Variants in DMBT1 observed in about 807,000 individuals in gnomAD.
DMBT1 encodes scavenger receptor cysteine-rich domain-containing protein DMBT1.
DMBT1 carries 198 observed loss-of-function variants against 252.9 expected under a neutral mutation model. That is an observed-to-expected ratio of 0.78 (90% CI 0.70 to 0.88). The LOEUF is 0.88. DMBT1 is among the 40% of genes least tolerant of loss of function. The pLI is 0.00. For missense variants in DMBT1, 2,432 were observed against 2,404.7 expected, an observed-to-expected ratio of 1.01 and a Z score of -0.24; for synonymous variants, 990 against 942.7, an observed-to-expected ratio of 1.05 and a Z score of -0.92.
rs755405576 is a variant in DMBT1, at chr10:122,640,197, T to C, written c.7100T>C (p.Val2367Ala). Residue 2367 changes from valine (V) to alanine (A), a missense_variant, in exon 55 of 56, where the codon GTT becomes GCT. Transcript: ENST00000338354. ...TACATTGCTAATGACACCATCCACG[T>C]TGCTAATAACACCATCCAGGTCGAG... is the stretch of plus-strand genomic sequence containing the variant. Reference protein sequence around the residue: ...TMYIANDTIHVANNTIQVEEV... With the variant: ...TMYIANDTIHAANNTIQVEEV... 1 of 1,614,072 alleles carries C rather than the reference T, an allele frequency of 6.2e-7. No individual in the cohort carries two copies. The highest frequency in any genetic ancestry group is 8.5e-7 in the Non-Finnish European group (1 of 1,179,904).
At chr10:122,561,102 G>T (rs781076218) in intron 1 of DMBT1, among the ~76,000 whole-genome samples, 1 of 152,184 alleles carries the variant, frequency 6.6e-6, no homozygotes, top group African/African-American at 2.4e-5. Context: ...TGATTGATTT[G>T]TCTTAGAAAA....
Position 122,580,880 on chromosome 10 carries a change from C to A in DMBT1, c.1018C>A (p.Pro340Thr). 1 of 1,613,906 alleles carries A rather than the reference C, an allele frequency of 6.2e-7. No homozygotes were observed. Residue 340 changes from proline (P) to threonine (T), a missense_variant, in exon 11 of 56, where the codon CCG becomes ACG. Pro to Thr is a conservative substitution (Grantham distance 38). Transcript: ENST00000338354. ...CTTTCTCACAGCTCCCCAGTCCCGG[C>A]CGACACCCAGCCCAGGTAGGTCCCC... ...GVICSAPQSR[P>T]TPSPDTWPTS... is the part of the protein sequence containing the mutation.
At chr10:122,567,345 C>G (rs935109755) in intron 2 of DMBT1, among the ~76,000 whole-genome samples, 1 of 152,164 alleles carries the variant, frequency 6.6e-6, no homozygotes, top group Admixed American at 6.5e-5. Context: ...GTGTTTTGCT[C>G]GTAAGAGGGG....
chr10:122,598,874 T>A lies in DMBT1; in HGVS notation c.3057T>A (p.Asp1019Glu). Reference sequence around the variant, plus strand: ...AAGGCTCCTGGGGCACCGTGTGCGATGACAGCTGGGACACCAATGATGCCA... The same window carrying A: ...AAGGCTCCTGGGGCACCGTGTGCGAAGACAGCTGGGACACCAATGATGCCA... ...LYQGSWGTVC[D>E]DSWDTNDANV... is the part of the protein sequence containing the mutation. The change falls in exon 26 of 56, where the codon GAT becomes GAA. Residue 1019 changes from aspartate to glutamate, a missense_variant. Physicochemically the swap from Asp to Glu is conservative, Grantham distance 45. Coordinates refer to ENST00000338354, the MANE Select transcript of DMBT1 (RefSeq NM_001377530.1). The A allele has an allele frequency of 6.2e-7, 1 of 1,613,852 alleles. No individual in the cohort carries two copies. The highest frequency in any genetic ancestry group is 8.5e-7 in the Non-Finnish European group (1 of 1,179,782).
chr10:122,598,478 G>C (rs936061928), intron 25 of DMBT1, among the ~76,000 whole-genome samples: 1 of 152,180 alleles, frequency 6.6e-6, no homozygotes, highest in South Asian at 2.1e-4. Flanking sequence ...GCCTACTGTA[G>C]CTGTGTAGCT....
rs2098155395 is a variant in DMBT1 at position 122,630,610 on chromosome 10, CTT to C, written c.6025+122_6025+123del. On this transcript the variant is annotated intron_variant, in intron 48 of 55. Coordinates refer to ENST00000338354, the MANE Select transcript of DMBT1 (RefSeq NM_001377530.1). ...GCCTCAGCGATGCACGGCCCATTCT[CTT>C]TCTCTTGGCACTGACTGTGTGGGCA... 6 of 1,087,410 alleles carry C rather than the reference CTT, an allele frequency of 5.5e-6. No individual in the cohort carries two copies. In the Admixed American group the frequency reaches 1.4e-4, roughly 25 times the overall value. 67.4% of individuals were successfully genotyped at this position (1,087,410 alleles called of 1,614,324 possible).
intron 2 of DMBT1, among the ~76,000 whole-genome samples, chr10:122,568,497 A>C (rs1275100638): frequency 6.6e-6 from 1 of 152,114 alleles, no homozygotes; most frequent in Non-Finnish European, 1.5e-5. Flanking sequence ...GTAAATAAGC[A>C]GGGTGGTGAG....
In DMBT1 at chr10:122,590,686, C is replaced by G; in HGVS notation, c.2129C>G (p.Pro710Arg). Residue 710 changes from proline to arginine, a missense_variant, in exon 18 of 56, where the codon CCC (proline) becomes CGC (arginine). Pro to Arg is a moderately radical substitution (Grantham distance 103, BLOSUM62 -2). Around this residue, in one of 3 missense-constraint regions of DMBT1, gnomAD observed 1,264 missense variants for 1,082.2 expected, o/e 1.17. Transcript: ENST00000338354. ...ACAGCTGCCCAGTCCCGGTCGACGC[C>G]CAGGCCAGGTGAGTCCCCAGTGTCC... is the stretch of plus-strand genomic sequence containing the variant. ...ICSAAQSRST[P>R]RPDTLSTITL... The G allele has an allele frequency of 1.3e-6, 2 of 1,587,862 alleles. 1 individual carries two copies. The highest frequency in any genetic ancestry group is 1.7e-6 in the Non-Finnish European group (2 of 1,165,404).
intron 1 of DMBT1, 29 bp from the exon 2 acceptor site, chr10:122,565,938 T>G (rs754576410): frequency 2.5e-5 from 41 of 1,612,712 alleles, no homozygotes; most frequent in Non-Finnish European, 3.5e-5. Flanking sequence ...CTAAACAGTG[T>G]TTCTAAGACG....
Position 122,570,930 on chromosome 10 carries a change from A to C in DMBT1, c.180A>C (p.Val60=). ...CGGAGTCGACCCTGGAGTCAACTGT[A>C]GCAGAAGGTAACGTCTACTATGGGG... is the stretch of plus-strand genomic sequence containing the variant. ...FPSESTLEST[V]AEGSPISLES... The change falls in exon 4 of 56, where the codon GTA becomes GTC. Residue 60 remains valine, a synonymous_variant. Transcript: ENST00000338354. The C allele has an allele frequency of 6.2e-7, 1 of 1,613,306 alleles. No homozygotes were observed. The highest frequency in any genetic ancestry group is 8.5e-7 in the Non-Finnish European group (1 of 1,179,274).
At chr10:122,639,974 T>G in intron 54 of DMBT1, 66 bp from the exon 55 acceptor site, 1 of 1,539,584 alleles carries the variant, frequency 6.5e-7, no homozygotes. Flanking sequence ...CACACCCAAA[T>G]CAGCTATGGG....
At chr10:122,586,523 C>T (rs1344151941) in intron 16 of DMBT1, 140 bp downstream of exon 16, 7 of 1,354,556 alleles carry the variant, frequency 5.2e-6, no homozygotes, top group African/African-American at 1.4e-5. Flanking sequence ...TCCTAGGAAA[C>T]CGCATGAGTC....
chr10:122,560,892 T>C lies in DMBT1; in HGVS notation c.61+61T>C. 3 of 1,259,716 alleles carry C rather than the reference T, an allele frequency of 2.4e-6. No individual in the cohort carries two copies. In the South Asian group the frequency reaches 4.0e-5, roughly 17 times the overall value. The allele number at this position is 1,259,716 out of a possible 1,614,324, so 78.0% of individuals were successfully genotyped here. ...TCCTGCAGACCCAATCATGGCAAAT[T>C]ATATCTACTACTTTCCATTACAAGG... On this transcript the variant is annotated intron_variant, in intron 1 of 55. Transcript: ENST00000338354.
chr10:122,634,428 TCTTCTCTCTCTCTCTCTCTCTCTCTCTC>T (rs2098201696), intron 52 of DMBT1, among the ~76,000 whole-genome samples: 8 of 78,442 alleles, frequency 1.0e-4, no homozygotes, highest in African/African-American at 3.6e-4. Context: ...TCTCTCTCTC[TCTTCTCTCTCTCTCTCTCTCTCTCTCTC>T]TCTCTCTCTC....
chr10:122,572,289 A>T, intron 4 of DMBT1, 25 bp from the exon 5 acceptor site: 2 of 1,612,992 alleles, frequency 1.2e-6, no homozygotes, highest in Non-Finnish European at 1.7e-6. Flanking sequence ...ACCATCAATG[A>T]GCTCTTCCTT....
At chr10:122,634,368 C>CTTTCTTTCTTTCTTTCTTTCTTTCTT (rs2098195202) in intron 52 of DMBT1, among the ~76,000 whole-genome samples, 9 of 126,650 alleles carry the variant, frequency 7.1e-5, no homozygotes, top group African/African-American at 2.7e-4. Context: ...TTCTTTCTTT[C>CTTTCTTTCTTTCTTTCTTTCTTTCTT]TTTCTTTCTT....
chr10:122,617,284 C>A, intron 40 of DMBT1, 24 bp downstream of exon 40: 1 of 1,605,794 alleles, frequency 6.2e-7, no homozygotes. Flanking sequence ...TCACCCCTCC[C>A]TAGGGCTCAC....
chr10:122,579,632 G>A lies in DMBT1; in HGVS notation c.734G>A (p.Gly245Asp). Residue 245 changes from glycine to aspartate, a missense_variant, in exon 10 of 56, where the codon GGC (glycine) becomes GAC (aspartate). Coordinates refer to ENST00000338354, the MANE Select transcript of DMBT1 (RefSeq NM_001377530.1). ...RLVNGGDRCR[G>D]RVEVLYRGSW... ...GTGAATGGAGGCGACAGGTGTCGAG[G>A]CCGAGTGGAGGTCCTATACCGAGGC... The A allele has an allele frequency of 6.2e-7, 1 of 1,613,676 alleles. No individual in the cohort carries two copies. The highest frequency in any genetic ancestry group is 1.1e-5 in the South Asian group (1 of 91,060).
chr10:122,589,359 T>C, intron 17 of DMBT1, 92 bp downstream of exon 17: 1 of 1,532,800 alleles, frequency 6.5e-7, no homozygotes, highest in South Asian at 1.3e-5. Flanking sequence ...TCAGAGCTTT[T>C]TCAACCTTTC....
Sources: allele counts gnomAD v4.1 joint callset (sites outside exome capture counted in the v4.1 genomes callset), GRCh38; gene constraint gnomAD v4.1.1; regional missense constraint gnomAD v4.1.1; transcripts MANE v1.5; gene names NCBI Gene and HGNC (gene_info 2026-07-23, HGNC 2026-07-21).